Variants in ZNF398 observed in about 807,000 individuals in gnomAD.
ZNF398 encodes the protein zinc finger DNA binding protein ZER6.
A neutral mutation model predicts 41.9 loss-of-function variants in ZNF398; 18 were observed. The ratio of observed to expected loss-of-function variants is 0.43; its 90% CI spans 0.30 to 0.64. ZNF398 has a LOEUF of 0.64. ZNF398 is among the 30% of genes least tolerant of loss of function. ZNF398 has a pLI of 0.14. For missense variants in ZNF398, 669 were observed against 822.8 expected (o/e 0.81, Z 2.29); for synonymous variants, 260 against 308.8 (o/e 0.84, Z 1.66).
chr7:149,165,080 G>A (rs1297757462), intron 2 of ZNF398, among the ~76,000 whole-genome samples: 7 of 150,566 alleles, frequency 4.6e-5, no homozygotes, highest in African/African-American at 9.8e-5. Context: ...GGTGTACAGC[G>A]AGACTCTGTC....
At chr7:149,172,159 C>T (rs1202455) in intron 4 of ZNF398, among the ~76,000 whole-genome samples, 13,153 of 152,258 alleles carry the variant, frequency 0.086, 601 homozygotes, top group Middle Eastern at 0.18. Context: ...ATAGAGACTA[C>T]ATACAGTAGT....
chr7:149,141,016 C>A (rs1374996789), intron 2 of ZNF398, among the ~76,000 whole-genome samples: 1 of 138,176 alleles, frequency 7.2e-6, no homozygotes, highest in Non-Finnish European at 1.5e-5. Flanking sequence ...CTCCAGCCTG[C>A]GCGACAGAGG....
intron 2 of ZNF398, among the ~76,000 whole-genome samples, chr7:149,132,885 T>C (rs1172490668): frequency 6.6e-6 from 1 of 152,200 alleles, no homozygotes; most frequent in Non-Finnish European, 1.5e-5. Flanking sequence ...TGCTTGTGTA[T>C]GTCTGCAGCT....
chr7:149,144,560 C>G (rs567633807), upstream of ZNF398, among the ~76,000 whole-genome samples: 4 of 152,080 alleles, frequency 2.6e-5, no homozygotes, highest in Admixed American at 2.0e-4. Flanking sequence ...CTACCCACCT[C>G]GGCCTCCCAC....
At position 149,166,913 on chromosome 7, in the gene ZNF398, C is replaced by G. The variant is rs1187739380; in HGVS notation, c.644C>G (p.Pro215Arg). 3.1e-6 allele frequency: 5 copies of G among 1,610,836 alleles called. No homozygotes were observed. The East Asian group carries it at 8.9e-5, about 29-fold the overall frequency. ...DQAGPEESEIPTDPSEEPGIS... is the reference protein window; with the variant it reads ...DQAGPEESEIRTDPSEEPGIS... ...GCAGGGCCAGAGGAAAGTGAGATTC[C>G]CACAGACCCCAGTGAAGGTAAGTGG... The change falls in exon 4 of 6, where the codon CCC (proline) becomes CGC (arginine). Residue 215 changes from proline to arginine, a missense_variant. By Grantham distance (103) the Pro-to-Arg change is moderately radical. Around this residue, in one of 3 missense-constraint regions of ZNF398, gnomAD observed 290 missense variants for 292.9 expected, o/e 0.99. Transcript: ENST00000475153.
chr7:149,175,741 A>T (rs1247725308), intron 4 of ZNF398, among the ~76,000 whole-genome samples: 1 of 151,982 alleles, frequency 6.6e-6, no homozygotes, highest in Admixed American at 6.6e-5. Context: ...CTGGAGTGCA[A>T]TGGTGCGATC....
At chr7:149,148,863 CTT>C (rs59895177) in intron 1 of ZNF398, among the ~76,000 whole-genome samples, 24 of 63,280 alleles carry the variant, frequency 3.8e-4, no homozygotes, top group Middle Eastern at 0.018. Flanking sequence ...TTTTCTTTGT[CTT>C]TTTTTTTTTT....
chr7:149,149,632 G>A (rs746421528), intron 1 of ZNF398, among the ~76,000 whole-genome samples: 1 of 151,974 alleles, frequency 6.6e-6, no homozygotes, highest in Non-Finnish European at 1.5e-5. Flanking sequence ...TAGCCCAGGA[G>A]TTGAAGACCA....
upstream of ZNF398, chr7:149,147,185 C>A (rs1333090902): frequency 6.6e-6 from 1 of 152,228 alleles, no homozygotes; most frequent in Non-Finnish European, 1.5e-5. This position sits in a 1 kb window ranked among gnomAD's most constrained non-coding sequence, Gnocchi z 5.6. Context: ...ATCGAGCCTC[C>A]GTGAAGAAAA....
At position 149,179,327 on chromosome 7, in the gene ZNF398, C is replaced by T; in HGVS notation, c.1455C>T (p.Cys485=). Residue 485 remains cysteine, a synonymous_variant, in exon 6 of 6, where the codon TGC becomes TGT. Transcript: ENST00000475153. This position sits in a 1 kb window ranked among gnomAD's most constrained non-coding sequence, Gnocchi z 6.1. ...ATGCACAAGAGCGCCCTTTCTCCTG[C>T]CCTCAGTGTGGCATTGACTTCAACG... ...RGHAQERPFS[C]PQCGIDFNGH... 6.2e-7 allele frequency: 1 copy of T among 1,613,322 alleles called. No individual in the cohort carries two copies. Among genetic ancestry groups the T allele is most frequent in the Non-Finnish European group, 8.5e-7 (1 of 1,179,996 alleles).
At chr7:149,178,574 G>T in intron 5 of ZNF398, 74 bp from the exon 6 acceptor site, 1 of 1,273,924 alleles carries the variant, frequency 7.8e-7, no homozygotes, top group South Asian at 1.4e-5. Flanking sequence ...ATCTGTTAGA[G>T]CTGGGTAGGA....
upstream of ZNF398, among the ~76,000 whole-genome samples, chr7:149,143,957 AAGTT>A (rs1826880689): frequency 6.6e-6 from 1 of 152,346 alleles, no homozygotes; most frequent in East Asian, 1.9e-4. Context: ...AATTAAAAAT[AAGTT>A]AGTACAACAA....
intron 1 of ZNF398, among the ~76,000 whole-genome samples, chr7:149,149,065 G>A (rs1585513611): frequency 6.6e-6 from 1 of 151,286 alleles, no homozygotes; most frequent in African/African-American, 2.4e-5. Flanking sequence ...GCTAGGCCGG[G>A]GGCTGAGGCG....
At chr7:149,143,306 T>A (rs1826865751), upstream of ZNF398, among the ~76,000 whole-genome samples, 1 of 152,232 alleles carries the variant, frequency 6.6e-6, no homozygotes, top group South Asian at 2.1e-4. Context: ...ATATTACCAA[T>A]GTAGCAAGAT....
At chr7:149,166,062 A>G in intron 2 of ZNF398, 96 bp from the exon 3 acceptor site, 12 of 1,363,746 alleles carry the variant, frequency 8.8e-6, no homozygotes, top group Non-Finnish European at 1.2e-5. Context: ...CCACCCTTTG[A>G]AAATGTAAAA....
At position 149,179,531 on chromosome 7, in the gene ZNF398, C is replaced by T; in HGVS notation, c.1659C>T (p.His553=). Residue 553 remains histidine (H), a synonymous_variant, in exon 6 of 6, where the codon CAC becomes CAT. Coordinates refer to ENST00000475153, the MANE Select transcript of ZNF398 (RefSeq NM_170686.3). The surrounding 1 kb of genome is among the most constrained non-coding windows in gnomAD (Gnocchi z 6.1). ...GCAAGAGCTTCATCCGCAAGCACCA[C>T]CTAATGAAACACCAGCGCATCCACA... ...HCGKSFIRKH[H]LMKHQRIHTG... is the part of the protein sequence containing the mutation. The T allele has an allele frequency of 6.2e-7, 1 of 1,614,242 alleles. No individual in the cohort carries two copies. The highest frequency in any genetic ancestry group is 1.7e-5 in the Admixed American group (1 of 60,022).
intron 2 of ZNF398, among the ~76,000 whole-genome samples, chr7:149,135,077 C>A (rs1826681108): frequency 1.3e-5 from 2 of 152,036 alleles, no homozygotes; most frequent in South Asian, 4.2e-4. Flanking sequence ...ATTAACAAAG[C>A]CTAGTTGAAG....
Position 149,178,712 on chromosome 7 carries a change from C to T in ZNF398, c.840C>T (p.Val280=). ...ARSSLCPEVP[V]PFSSPPAAAK... Reference sequence around the variant, plus strand: ...CCTCGTTGTGCCCTGAGGTTCCAGTCCCTTTCTCTTCTCCACCAGCAGCAG... The same window carrying T: ...CCTCGTTGTGCCCTGAGGTTCCAGTTCCTTTCTCTTCTCCACCAGCAGCAG... Residue 280 remains valine, a synonymous_variant, in exon 6 of 6, where the codon GTC becomes GTT. Transcript: ENST00000475153. The T allele has an allele frequency of 6.2e-7, 1 of 1,614,158 alleles. No individual in the cohort carries two copies. The highest frequency in any genetic ancestry group is 8.5e-7 in the Non-Finnish European group (1 of 1,180,038).
At chr7:149,178,076 G>A (rs1207822849) in intron 5 of ZNF398, among the ~76,000 whole-genome samples, 1 of 152,192 alleles carries the variant, frequency 6.6e-6, no homozygotes, top group Admixed American at 6.5e-5. Flanking sequence ...TGGACCATGA[G>A]GTCAGGAGAT....
Sources: gnomAD v4.1 joint callset for allele counts (sites outside exome capture counted in the v4.1 genomes callset) on GRCh38, gnomAD v4.1.1 for gene constraint, gnomAD v4.1.1 regional missense constraint, Gnocchi (gnomAD v3.1) non-coding constraint, MANE v1.5 for transcripts, NCBI Gene and HGNC (gene_info 2026-07-23, HGNC 2026-07-21) for gene names.